Variants in BCAT1 observed in about 807,000 individuals in gnomAD.
BCAT1 encodes branched chain amino acid transaminase 1, also known as branched-chain-amino-acid aminotransferase, cytosolic.
In BCAT1, 48 loss-of-function variants were observed where a neutral mutation model predicts 52.4. The ratio of observed to expected loss-of-function variants is 0.92; its 90% CI spans 0.73 to 1.16. BCAT1 has a LOEUF of 1.16. Ranked by LOEUF, BCAT1 falls within the 50% of genes most tolerant of loss-of-function variation. The pLI is 0.00. For synonymous variants in BCAT1, 167 were observed against 161.3 expected (o/e 1.04, Z -0.27); for missense variants, 451 against 457.1 (o/e 0.99, Z 0.12).
chr12:24,844,418 CA>C (rs1366147481), intron 6 of BCAT1, among the ~76,000 whole-genome samples: 1 of 151,306 alleles, frequency 6.6e-6, no homozygotes, highest in Non-Finnish European at 1.5e-5. Flanking sequence ...GCAACAAGAG[CA>C]AAATTCCGTC....
intron 1 of BCAT1, among the ~76,000 whole-genome samples, chr12:24,926,332 A>C (rs897054119): frequency 6.6e-6 from 1 of 150,742 alleles, no homozygotes; most frequent in African/African-American, 2.4e-5. Flanking sequence ...CCGTCTGGGA[A>C]GTTGGGGGCA....
chr12:24,895,308 C>G (rs1942934108), intron 2 of BCAT1, among the ~76,000 whole-genome samples: 1 of 152,098 alleles, frequency 6.6e-6, no homozygotes, highest in Non-Finnish European at 1.5e-5. Flanking sequence ...ATGCAGATCA[C>G]AAGGTTTGGA....
Position 24,814,713 on chromosome 12 carries a change from C to T in BCAT1, c.*3295G>A, listed in dbSNP as rs550192613. 2.6e-5 allele frequency: 4 copies of T among 151,756 alleles called. No homozygotes were observed. Among genetic ancestry groups the T allele is most frequent in the African/African-American group, 7.2e-5 (3 of 41,412 alleles). The allele number at this position is 151,756 out of a possible 1,614,324, so 9.4% of individuals were successfully genotyped here. On this transcript the variant is annotated 3_prime_UTR_variant, in exon 11 of 11. Coordinates refer to ENST00000261192, the MANE Select transcript of BCAT1 (RefSeq NM_005504.7). ...AACCCAAGGTGTAACTTAGGTTTCC[C>T]ATGTCTTCAAGAGAGCTGACATTGC...
chr12:24,922,871 CAAAAAA>C (rs112388852), intron 1 of BCAT1, among the ~76,000 whole-genome samples: 1 of 107,234 alleles, frequency 9.3e-6, no homozygotes. Flanking sequence ...CTCTGTCTCT[CAAAAAA>C]AAAAAAAAAA....
chr12:24,852,519 C>T (rs924389131), intron 5 of BCAT1, among the ~76,000 whole-genome samples: 9 of 152,056 alleles, frequency 5.9e-5, no homozygotes, highest in African/African-American at 1.9e-4. Context: ...GTAACAATAA[C>T]GTGTTATGAA....
rs1941246874 is a variant in BCAT1, at chr12:24,843,695, T to A, written c.675-1471A>T. ...ATTCCATACTCTTATAAAAACATAG[T>A]CTTTCTATAGAGCTATGTCATTCTG... On this transcript the variant is annotated intron_variant, in intron 6 of 10. Transcript: ENST00000261192. 2.0e-5 allele frequency among the ~76,000 whole-genome samples: 3 copies of A among 152,098 alleles called. No homozygotes were observed. The South Asian group carries it at 6.2e-4, about 32-fold the overall frequency.
chr12:24,920,707 GA>G (rs2139720836), intron 1 of BCAT1, among the ~76,000 whole-genome samples: 1 of 152,274 alleles, frequency 6.6e-6, no homozygotes, highest in Non-Finnish European at 1.5e-5. Context: ...GATAGCATCA[GA>G]TCCACAAGTT....
intron 2 of BCAT1, among the ~76,000 whole-genome samples, chr12:24,894,930 C>T (rs1337827052): frequency 1.3e-5 from 2 of 152,114 alleles, no homozygotes; most frequent in East Asian, 3.8e-4. Context: ...CTCCAACTGC[C>T]CCAAAGAATT....
intron 1 of BCAT1, 91 bp from the exon 2 acceptor site, chr12:24,901,976 G>T: frequency 1.2e-6 from 2 of 1,608,894 alleles, no homozygotes; most frequent in Non-Finnish European, 1.7e-6. Flanking sequence ...GATACCGTGC[G>T]CTCCTCTCCA....
intron 6 of BCAT1, among the ~76,000 whole-genome samples, chr12:24,846,198 A>G (rs1379287757): frequency 4.6e-5 from 7 of 152,238 alleles, no homozygotes; most frequent in Non-Finnish European, 1.0e-4. Context: ...GACTATTTCA[A>G]TGCACTGAAA....
rs1348495545 is a variant in BCAT1 at position 24,811,787 on chromosome 12, G to C, written c.*6221C>G. ...ATATCTGAGACTTGCAATGGCTGGA[G>C]TCTATCAGTACAATAGTAATTGCAA... On this transcript the variant is annotated 3_prime_UTR_variant, in exon 11 of 11. Coordinates refer to ENST00000261192, the MANE Select transcript of BCAT1 (RefSeq NM_005504.7). 6.6e-6 allele frequency: 1 copy of C among 152,112 alleles called. No homozygotes were observed. Among genetic ancestry groups the C allele is most frequent in the Non-Finnish European group, 1.5e-5 (1 of 67,978 alleles). 9.4% of individuals were successfully genotyped at this position (152,112 alleles called of 1,614,324 possible). A position where few individuals can be genotyped will look rare whatever the true frequency, so the allele number is the denominator to read the frequency against.
chr12:24,833,357 A>G (rs1940770491), intron 8 of BCAT1, among the ~76,000 whole-genome samples: 1 of 151,996 alleles, frequency 6.6e-6, no homozygotes, highest in Non-Finnish European at 1.5e-5. Context: ...TGTCTCTACT[A>G]AAAATACAAA....
chr12:24,862,094 T>C (rs1464012221), intron 5 of BCAT1, among the ~76,000 whole-genome samples: 1 of 152,210 alleles, frequency 6.6e-6, no homozygotes, highest in Non-Finnish European at 1.5e-5. Flanking sequence ...ATCCACCCCT[T>C]GCTTAGCATA....
chr12:24,856,983 T>C (rs889414878), intron 5 of BCAT1, among the ~76,000 whole-genome samples: 3 of 152,130 alleles, frequency 2.0e-5, no homozygotes, highest in African/African-American at 7.2e-5. Flanking sequence ...TGTCAATTAG[T>C]CCTAAAAATT....
At chr12:24,886,549 C>A (rs1942666462) in intron 3 of BCAT1, among the ~76,000 whole-genome samples, 1 of 152,138 alleles carries the variant, frequency 6.6e-6, no homozygotes, top group Admixed American at 6.5e-5. Flanking sequence ...CTTCAGACAA[C>A]CATAGTACTT....
intron 10 of BCAT1, among the ~76,000 whole-genome samples, chr12:24,825,133 GTGTATA>G (rs1403855627): frequency 4.8e-5 from 3 of 63,068 alleles, no homozygotes; most frequent in African/African-American, 1.9e-4. Flanking sequence ...GTGTGTGTGT[GTGTATA>G]TATATATATA....
At chr12:24,836,908 GAGAAAGAAAGAA>G (rs201215375) in intron 7 of BCAT1, among the ~76,000 whole-genome samples, 823 of 40,842 alleles carry the variant, frequency 0.02, 46 homozygotes, top group African/African-American at 0.034. Flanking sequence ...AAAAGAAAGA[GAGAAAGAAAGAA>G]AGAAAGAAAG....
At chr12:24,878,771 A>G in intron 4 of BCAT1, 122 bp from the exon 5 acceptor site, 1 of 995,906 alleles carries the variant, frequency 1.0e-6, no homozygotes, top group Non-Finnish European at 1.4e-6. Flanking sequence ...AAAAATAAGA[A>G]ATGTTTGAGG....
intron 5 of BCAT1, among the ~76,000 whole-genome samples, chr12:24,867,310 TA>T (rs1471313514): frequency 3.3e-5 from 5 of 151,072 alleles, no homozygotes; most frequent in Admixed American, 2.6e-4. Flanking sequence ...CCGGATACGC[TA>T]CCATGTTTTA....
Sources: allele counts gnomAD v4.1 joint callset (sites outside exome capture counted in the v4.1 genomes callset), GRCh38; gene constraint gnomAD v4.1.1; transcripts MANE v1.5; gene names NCBI Gene and HGNC (gene_info 2026-07-23, HGNC 2026-07-21).